The following TMEM131 variants were observed in gnomAD, a reference collection of about 807,000 sequenced individuals.
TMEM131 encodes the protein 2610524E03Rik.
In TMEM131, 66 loss-of-function variants were observed where a neutral mutation model predicts 211.6. The observed-to-expected ratio is 0.31, with a 90% confidence interval of 0.26 to 0.38. The LOEUF (loss-of-function observed/expected upper bound fraction) is 0.38, where lower values mean the gene tolerates loss of function less well. Among genes scored for constraint, TMEM131 ranks in the 10% least tolerant of loss-of-function variants. The pLI, the probability that TMEM131 is intolerant of heterozygous loss-of-function variation, is 1.00. For missense variants in TMEM131, 2,036 were observed against 2,299.3 expected (o/e 0.89, Z 2.34); for synonymous variants, 844 against 841.3 (o/e 1.00, Z -0.06).
At position 97,916,600 on chromosome 2, in the gene TMEM131, T is replaced by C. The variant is rs946516674; in HGVS notation, c.250-7902A>G. ...AGTTGTAATATTGTAAAACTGATAA[T>C]GTAGAGTGAGAAAATCTAGCTTTGT... On this transcript the variant is annotated intron_variant, in intron 2 of 40. Coordinates refer to ENST00000186436, the MANE Select transcript of TMEM131 (RefSeq NM_015348.2). Among the ~76,000 whole-genome samples the C allele has an allele frequency of 1.4e-4, 21 of 152,166 alleles. 1 individual carries two copies. The highest frequency in any genetic ancestry group is 4.6e-4 in the African/African-American group (19 of 41,424).
In TMEM131 at chr2:97,806,837, G is replaced by A. The variant is rs59714792; in HGVS notation, c.2056-1134C>T. The stretch of plus-strand genomic sequence containing the variant: ...GAAGAGCGTGCACAGGAAAAAGGGC[G>A]CAATGACTGTGACACTGAGGCCAGC... On this transcript the variant is annotated intron_variant, in intron 19 of 40. Coordinates refer to ENST00000186436, the MANE Select transcript of TMEM131 (RefSeq NM_015348.2). Among the ~76,000 whole-genome samples the A allele has an allele frequency of 8.0e-3, 1,223 of 152,216 alleles. 7 individuals are homozygous for A. Among genetic ancestry groups the A allele is most frequent in the Admixed American group, 0.015 (230 of 15,290 alleles).
At chr2:97,827,623 C>G (rs1017802406) in intron 11 of TMEM131, 3 of 948,060 alleles carry the variant, frequency 3.2e-6, no homozygotes. Flanking sequence ...TTTTTATCAA[C>G]TATTTTGTAA....
chr2:97,797,230 A>G, intron 26 of TMEM131, 135 bp downstream of exon 26: 2 of 920,656 alleles, frequency 2.2e-6, no homozygotes, highest in African/African-American at 1.7e-5. Flanking sequence ...TTCATCAGGC[A>G]TGGAGTGTGT....
intron 4 of TMEM131, among the ~76,000 whole-genome samples, chr2:97,872,860 C>A (rs1228777418): frequency 6.6e-6 from 1 of 152,098 alleles, no homozygotes; most frequent in Admixed American, 6.5e-5. Context: ...TTTTTCCATA[C>A]CCCATTGGCA....
intron 11 of TMEM131, among the ~76,000 whole-genome samples, chr2:97,825,221 G>C (rs1045078708): frequency 6.6e-6 from 1 of 152,202 alleles, no homozygotes; most frequent in African/African-American, 2.4e-5. Context: ...CCTTCAGTAT[G>C]TGGATGACTT....
chr2:97,784,643 C>CG (rs200780974), intron 31 of TMEM131, among the ~76,000 whole-genome samples: 4,437 of 151,682 alleles, frequency 0.029, 81 homozygotes, highest in Middle Eastern at 0.065. Flanking sequence ...ATACATAAAA[C>CG]GGGGGGGAAA....
chr2:97,866,558 T>C (rs1436693688), intron 4 of TMEM131, among the ~76,000 whole-genome samples: 1 of 152,216 alleles, frequency 6.6e-6, no homozygotes, highest in Non-Finnish European at 1.5e-5. Context: ...ATTATTTCTG[T>C]TTGCTTTAGT....
At chr2:97,830,132 T>TAAAAAAAAAAAA (rs60531384) in intron 11 of TMEM131, among the ~76,000 whole-genome samples, 6 of 72,314 alleles carry the variant, frequency 8.3e-5, no homozygotes, top group Non-Finnish European at 1.0e-4. Context: ...CATTATCAGT[T>TAAAAAAAAAAAA]AAAAAAAAAA....
chr2:97,825,840 T>C (rs1288766206), intron 11 of TMEM131, among the ~76,000 whole-genome samples: 1 of 152,152 alleles, frequency 6.6e-6, no homozygotes, highest in African/African-American at 2.4e-5. Flanking sequence ...GCTATCAAAA[T>C]AATACAAGGA....
chr2:97,811,358 T>C (rs1681540574), intron 17 of TMEM131, 126 bp from the exon 18 acceptor site: 2 of 705,394 alleles, frequency 2.8e-6, no homozygotes, highest in African/African-American at 1.7e-5. Flanking sequence ...TGACACTGAA[T>C]TACCATATCA....
chr2:97,868,742 T>C (rs191989106), intron 4 of TMEM131, among the ~76,000 whole-genome samples: 58 of 152,244 alleles, frequency 3.8e-4, no homozygotes, highest in African/African-American at 1.3e-3. Context: ...CAGTGATAGA[T>C]AGGTATCCAG....
intron 31 of TMEM131, among the ~76,000 whole-genome samples, chr2:97,787,749 A>C (rs1680319117): frequency 1.3e-5 from 2 of 152,258 alleles, no homozygotes; most frequent in South Asian, 4.1e-4. Flanking sequence ...CAAAATTCTG[A>C]ATTCTCAAAC....
intron 3 of TMEM131, among the ~76,000 whole-genome samples, chr2:97,902,185 G>A (rs775020849): frequency 3.9e-5 from 6 of 152,088 alleles, no homozygotes; most frequent in Admixed American, 1.3e-4. Flanking sequence ...ATGGGTGTGG[G>A]GGTGGGAGAA....
chr2:97,850,533 T>G (rs1476982624), intron 5 of TMEM131, among the ~76,000 whole-genome samples: 1 of 152,168 alleles, frequency 6.6e-6, no homozygotes, highest in Non-Finnish European at 1.5e-5. Context: ...TGACCATGAC[T>G]GTAAGGTGCC....
chr2:97,794,084 G>A (rs1680645322), intron 29 of TMEM131, among the ~76,000 whole-genome samples: 1 of 144,710 alleles, frequency 6.9e-6, no homozygotes, highest in Non-Finnish European at 1.5e-5. Flanking sequence ...TTTTTTTCCT[G>A]AGACAAAGTT....
intron 33 of TMEM131, among the ~76,000 whole-genome samples, chr2:97,770,951 CAAG>C (rs1320079159): frequency 1.3e-5 from 2 of 152,102 alleles, no homozygotes; most frequent in African/African-American, 2.4e-5. Context: ...TGAAAAAGGC[CAAG>C]AAGAAGAATC....
intron 2 of TMEM131, among the ~76,000 whole-genome samples, chr2:97,924,616 G>A (rs1284827956): frequency 2.6e-5 from 4 of 152,178 alleles, no homozygotes; most frequent in Admixed American, 2.6e-4. Context: ...ATCAGTTGCT[G>A]GTGAGGCCCA....
chr2:97,817,294 T>C (rs1681874590), intron 12 of TMEM131, among the ~76,000 whole-genome samples: 1 of 152,194 alleles, frequency 6.6e-6, no homozygotes, highest in Non-Finnish European at 1.5e-5. Context: ...GGGTCCTAAA[T>C]GCTCTTATCC....
chr2:97,802,229 G>C (rs1283484590), intron 24 of TMEM131, among the ~76,000 whole-genome samples, 199 bp downstream of exon 24: 3 of 152,032 alleles, frequency 2.0e-5, no homozygotes, highest in Non-Finnish European at 2.9e-5. Context: ...ACTTTTTCTT[G>C]CCTTATATTG....
Sources: allele counts gnomAD v4.1 joint callset (sites outside exome capture counted in the v4.1 genomes callset), GRCh38; gene constraint gnomAD v4.1.1; transcripts MANE v1.5; gene names NCBI Gene and HGNC (gene_info 2026-07-23, HGNC 2026-07-21).